LDB3: variants seen among roughly 807,000 people sequenced by gnomAD.
LDB3 encodes the protein LIM domain-binding protein 3.
LDB3 carries 49 observed loss-of-function variants against 69.0 expected under a neutral mutation model. That is an observed-to-expected ratio of 0.71 (90% CI 0.56 to 0.90). The LOEUF (loss-of-function observed/expected upper bound fraction) is 0.90. Ranked by LOEUF, LDB3 falls within the 40% of genes least tolerant of loss-of-function variation. The pLI is 0.00. For synonymous variants in LDB3, 387 were observed against 396.2 expected (o/e 0.98, Z 0.28); for missense variants, 928 against 974.1 (o/e 0.95, Z 0.63).
chr10:86,694,162 A>C (rs1368690160), intron 7 of LDB3, among the ~76,000 whole-genome samples: 2 of 152,184 alleles, frequency 1.3e-5, no homozygotes, highest in Admixed American at 1.3e-4. Context: ...TTTCCCCTGG[A>C]ATATTTGCAG....
At chr10:86,684,289 G>A (rs538762553) in intron 5 of LDB3, among the ~76,000 whole-genome samples, 2 of 152,374 alleles carry the variant, frequency 1.3e-5, no homozygotes, top group Admixed American at 1.3e-4. Context: ...GCTCCTCTCA[G>A]ATGTGTCTGC....
intron 2 of LDB3, among the ~76,000 whole-genome samples, chr10:86,673,756 C>T (rs2132338820): frequency 6.6e-6 from 1 of 152,236 alleles, no homozygotes; most frequent in Non-Finnish European, 1.5e-5. Flanking sequence ...ACCCTTCCTA[C>T]TTATCTGCCA....
Position 86,706,663 on chromosome 10 carries a change from T to C in LDB3, c.1029T>C (p.Thr343=), listed in dbSNP as rs1846455918. The C allele has an allele frequency of 6.2e-7, 1 of 1,613,044 alleles. No homozygotes were observed. The highest frequency in any genetic ancestry group is 1.3e-5 in the African/African-American group (1 of 75,062). ...SPPLATAAAH[T]AIASASTTAP... ...CCCTGGCCACAGCTGCTGCCCACAC[T>C]GCCATCGCCTCCGCCTCCACCACAG... Residue 343 remains threonine (T), a synonymous_variant, in exon 8 of 14, where the codon ACT becomes ACC. Coordinates refer to ENST00000361373, the MANE Select transcript of LDB3 (RefSeq NM_007078.3).
chr10:86,732,916 G>A lies in LDB3; in HGVS notation c.2124G>A (p.Pro708=), dbSNP rs759812655. The A allele has an allele frequency of 1.5e-5, 25 of 1,613,772 alleles. No homozygotes were observed. The highest frequency in any genetic ancestry group is 5.5e-5 in the South Asian group (5 of 91,010). The change falls in exon 14 of 14, where the codon CCG becomes CCA. Residue 708 remains proline (P), a synonymous_variant. Transcript: ENST00000361373. ...GCCATGTGAATCTGGAGGGGCAGCC[G>A]TTCTACTCCAAGAAGGACAGACCCC... The part of the protein sequence containing the change: ...AVCHVNLEGQ[P]FYSKKDRPLC...
At chr10:86,719,739 G>A (rs181921129) in intron 12 of LDB3, among the ~76,000 whole-genome samples, 76 of 152,274 alleles carry the variant, frequency 5.0e-4, no homozygotes, top group Non-Finnish European at 7.5e-4. Context: ...GTAATCTCAC[G>A]GAGTGAATTC....
intron 2 of LDB3, among the ~76,000 whole-genome samples, chr10:86,674,915 G>C (rs546614300): frequency 3.9e-5 from 6 of 152,026 alleles, no homozygotes; most frequent in Admixed American, 2.6e-4. Context: ...GAAGGCATCC[G>C]ATGGCTCCTG....
chr10:86,720,198 A>T (rs960101642), intron 12 of LDB3, among the ~76,000 whole-genome samples: 14 of 152,240 alleles, frequency 9.2e-5, no homozygotes, highest in African/African-American at 3.4e-4. Flanking sequence ...TAATCCCAGC[A>T]CTTTGAGAGG....
At chr10:86,688,215 C>T (rs957898174) in intron 5 of LDB3, among the ~76,000 whole-genome samples, 1 of 152,156 alleles carries the variant, frequency 6.6e-6, no homozygotes, top group African/African-American at 2.4e-5. Flanking sequence ...TCAGGATCCC[C>T]TAGCAATTCA....
chr10:86,696,238 C>T (rs1487548771), intron 7 of LDB3, among the ~76,000 whole-genome samples: 4 of 152,316 alleles, frequency 2.6e-5, no homozygotes, highest in East Asian at 1.9e-4. Flanking sequence ...CTCGCTTACA[C>T]GCCGCACAGC....
At chr10:86,693,307 T>C (rs1845857723) in intron 7 of LDB3, among the ~76,000 whole-genome samples, 1 of 152,182 alleles carries the variant, frequency 6.6e-6, no homozygotes, top group African/African-American at 2.4e-5. Flanking sequence ...GGGCTCATTG[T>C]GATTGTATGT....
rs953196889 is a variant in LDB3, at chr10:86,672,259, G to T, written c.93+3475G>T. Among the ~76,000 whole-genome samples, 42 of 152,374 alleles carry T rather than the reference G, an allele frequency of 2.8e-4. 1 individual carries two copies. Among genetic ancestry groups the T allele is most frequent in the African/African-American group, 7.9e-4 (33 of 41,580 alleles). ...AGTCGGGGGCTGAGCCTGGGCCCAGGAGGGGCCTGCCTGTCTACTGGAAAC... is the reference window on the plus strand; with the variant it reads ...AGTCGGGGGCTGAGCCTGGGCCCAGTAGGGGCCTGCCTGTCTACTGGAAAC... On this transcript the variant is annotated intron_variant, in intron 2 of 13. Transcript: ENST00000361373.
chr10:86,726,235 A>G lies in LDB3; in HGVS notation c.2077A>G (p.Thr693Ala). 6.2e-7 allele frequency: 1 copy of G among 1,613,980 alleles called. No individual in the cohort carries two copies. The highest frequency in any genetic ancestry group is 8.5e-7 in the Non-Finnish European group (1 of 1,179,940). ...IEALGHTWHDTCFICAVCHVN... is the reference protein window; with the variant it reads ...IEALGHTWHDACFICAVCHVN... ...AGCCCTGGGCCACACTTGGCACGAC[A>G]CCTGCTTCATTTGCGCAGTATGTCT... Residue 693 changes from threonine (T) to alanine (A), a missense_variant, in exon 13 of 14, where the codon ACC (threonine) becomes GCC (alanine). Transcript: ENST00000361373.
intron 2 of LDB3, among the ~76,000 whole-genome samples, chr10:86,671,743 T>C (rs1844491458): frequency 6.6e-6 from 1 of 152,204 alleles, no homozygotes; most frequent in Non-Finnish European, 1.5e-5. Context: ...TATGCTTTGT[T>C]AGGCTCTGCT....
At position 86,699,295 on chromosome 10, in the gene LDB3, A is replaced by T; in HGVS notation, c.896+6724A>T. 6.2e-7 allele frequency: 1 copy of T among 1,613,100 alleles called. No homozygotes were observed. The highest frequency in any genetic ancestry group is 8.5e-7 in the Non-Finnish European group (1 of 1,179,778). On this transcript the variant is annotated intron_variant, in intron 7 of 13. Transcript: ENST00000361373. This position sits in a 1 kb window ranked among gnomAD's most constrained non-coding sequence, Gnocchi z 4.9. ...TGCCACAGGGAAAGGTTTGAAACGG[A>T]ACGTAACAGCCCACGTTTTGCCAAA...
intron 7 of LDB3, among the ~76,000 whole-genome samples, chr10:86,697,291 G>C (rs1477667557): frequency 1.4e-5 from 2 of 139,314 alleles, no homozygotes; most frequent in Non-Finnish European, 3.0e-5. Flanking sequence ...GCGCGATCTC[G>C]GCTTACTGCA....
chr10:86,691,992 G>C lies in LDB3; in HGVS notation c.786G>C (p.Glu262Asp), dbSNP rs1258153625. The change falls in exon 6 of 14, where the codon GAG (glutamate) becomes GAC (aspartate). Residue 262 changes from glutamate (E) to aspartate (D), a missense_variant. Physicochemically the swap from Glu to Asp is conservative, Grantham distance 45. Transcript: ENST00000361373. ...ACAAGCCAGAAGATGAGGCTGACGA[G>C]TGGGCACGCCGTTCCTCCAACCTGC... ...SQNKPEDEAD[E>D]WARRSSNLQS... is the part of the protein sequence containing the mutation. 1.9e-6 allele frequency: 3 copies of C among 1,614,208 alleles called. No individual in the cohort carries two copies. In the South Asian group the frequency reaches 3.3e-5, roughly 18 times the overall value.
Position 86,726,236 on chromosome 10 carries a change from C to A in LDB3, c.2078C>A (p.Thr693Asn), listed in dbSNP as rs397517219. ...IEALGHTWHDTCFICAVCHVN... is the reference protein window; with the variant it reads ...IEALGHTWHDNCFICAVCHVN... ...GCCCTGGGCCACACTTGGCACGACA[C>A]CTGCTTCATTTGCGCAGTATGTCTC... Residue 693 changes from threonine to asparagine, a missense_variant, in exon 13 of 14, where the codon ACC becomes AAC. Physicochemically the swap from Thr to Asn is moderately conservative, Grantham distance 65. Coordinates refer to ENST00000361373, the MANE Select transcript of LDB3 (RefSeq NM_007078.3). The A allele has an allele frequency of 6.2e-7, 1 of 1,613,964 alleles. No homozygotes were observed. The highest frequency in any genetic ancestry group is 8.5e-7 in the Non-Finnish European group (1 of 1,179,880).
chr10:86,733,621 C>T lies in LDB3; in HGVS notation c.*645C>T, dbSNP rs1564666851. The T allele has an allele frequency of 6.6e-6, 1 of 152,544 alleles. No homozygotes were observed. The highest frequency in any genetic ancestry group is 1.5e-5 in the Non-Finnish European group (1 of 68,354). The allele number at this position is 152,544 out of a possible 1,614,324, so 9.4% of individuals were successfully genotyped here. A position where few individuals can be genotyped will look rare whatever the true frequency, so the allele number is the denominator to read the frequency against. On this transcript the variant is annotated 3_prime_UTR_variant, in exon 14 of 14. Coordinates refer to ENST00000361373, the MANE Select transcript of LDB3 (RefSeq NM_007078.3). ...AGCCACTGGGCAATTGCCAGGGCTC[C>T]AGGAAGGGCTCTGGCTCAGGTTGCA...
At chr10:86,687,932 T>G (rs1222971713) in intron 5 of LDB3, among the ~76,000 whole-genome samples, 1 of 152,154 alleles carries the variant, frequency 6.6e-6, no homozygotes, top group Non-Finnish European at 1.5e-5. Context: ...ATGCTAGCAA[T>G]GCAAACATTC....
Sources: gnomAD v4.1 joint callset for allele counts (sites outside exome capture counted in the v4.1 genomes callset) on GRCh38, gnomAD v4.1.1 for gene constraint, Gnocchi (gnomAD v3.1) non-coding constraint, MANE v1.5 for transcripts, NCBI Gene and HGNC (gene_info 2026-07-23, HGNC 2026-07-21) for gene names.